The following HDAC9 variants were observed in gnomAD, a reference collection of about 807,000 sequenced individuals.
HDAC9 encodes MEF-2 interacting transcription repressor (MITR) protein.
A neutral mutation model predicts 139.4 loss-of-function variants in HDAC9; 41 were observed. The observed-to-expected ratio is 0.29, with a 90% CI of 0.23 to 0.38. The LOEUF (loss-of-function observed/expected upper bound fraction) is 0.38. HDAC9 is among the 10% of genes least tolerant of loss of function. The probability of loss-of-function intolerance (pLI) is 1.00; values close to 1 mark genes in which losing one functional copy is unlikely to be tolerated. For missense variants in HDAC9, 1,147 were observed against 1,297.0 expected (o/e 0.88, Z 1.78); for synonymous variants, 517 against 476.2 (o/e 1.09, Z -1.12).
Position 18,732,554 on chromosome 7 carries a change from T to C in HDAC9, c.1909+4797T>C, listed in dbSNP as rs370634679. On this transcript the variant is annotated intron_variant, in intron 13 of 25. Coordinates refer to ENST00000686413, the MANE Select transcript of HDAC9 (RefSeq NM_178425.4). ...TGTATATATGTGTATATAATGTATATACACACGTGTATATATGTGCATGTG... is the reference window on the plus strand; with the variant it reads ...TGTATATATGTGTATATAATGTATACACACACGTGTATATATGTGCATGTG... Among the ~76,000 whole-genome samples the C allele has an allele frequency of 8.8e-5, 11 of 124,900 alleles. 2 individuals are homozygous for C. The highest frequency in any genetic ancestry group is 1.5e-4 in the Non-Finnish European group (9 of 59,696). 81.9% of individuals were successfully genotyped at this position (124,900 alleles called of 152,430 possible). A position where few individuals can be genotyped will look rare whatever the true frequency, so the allele number is the denominator to read the frequency against.
intron 22 of HDAC9, among the ~76,000 whole-genome samples, chr7:18,932,848 A>AAAAGAAAGGAAAGAAAGAAAG (rs1804882822): frequency 7.2e-6 from 1 of 138,204 alleles, no homozygotes; most frequent in Admixed American, 7.4e-5. Flanking sequence ...AGGAAGGAAA[A>AAAAGAAAGGAAAGAAAGAAAG]AAAGAAAGAA....
intron 22 of HDAC9, chr7:18,906,922 AC>A: frequency 6.6e-6 from 1 of 152,212 alleles, no homozygotes; most frequent in Admixed American, 6.5e-5. Flanking sequence ...CCTGATTTAA[AC>A]CTGTGATTCT....
intron 7 of HDAC9, 26 bp downstream of exon 7, chr7:18,629,507 G>A: frequency 6.3e-7 from 1 of 1,597,340 alleles, no homozygotes; most frequent in East Asian, 2.3e-5. Context: ...GCAGACCTAT[G>A]AATGCTGGGA....
At chr7:18,440,718 T>G (rs79599109) in intron 1 of HDAC9, among the ~76,000 whole-genome samples, 7,421 of 152,232 alleles carry the variant, frequency 0.049, 300 homozygotes, top group African/African-American at 0.11. Context: ...TAACATTTTC[T>G]GAAGAAAAAA....
chr7:18,646,404 TAA>T (rs947272675), intron 9 of HDAC9, among the ~76,000 whole-genome samples: 3 of 152,154 alleles, frequency 2.0e-5, no homozygotes, highest in African/African-American at 7.2e-5. Flanking sequence ...TGGTTTGGAT[TAA>T]AGTTTCATTT....
At chr7:18,904,641 G>A (rs1196078965) in intron 22 of HDAC9, among the ~76,000 whole-genome samples, 1 of 130,684 alleles carries the variant, frequency 7.7e-6, no homozygotes, top group Non-Finnish European at 1.5e-5. Flanking sequence ...GCAGTGACGC[G>A]ATCCGCTCAC....
intron 11 of HDAC9, among the ~76,000 whole-genome samples, chr7:18,654,114 C>T (rs185874354): frequency 7.7e-4 from 117 of 152,254 alleles, no homozygotes; most frequent in African/African-American, 2.7e-3. Context: ...CAATTCTTTA[C>T]ATGTGTCTGT....
chr7:18,654,618 T>A (rs1295444834), intron 11 of HDAC9, among the ~76,000 whole-genome samples: 2 of 152,114 alleles, frequency 1.3e-5, no homozygotes, highest in Non-Finnish European at 2.9e-5. Flanking sequence ...GTGCTTATGA[T>A]TACAGTCTTA....
chr7:18,525,920 G>A (rs1299277438), intron 2 of HDAC9, among the ~76,000 whole-genome samples: 2 of 152,156 alleles, frequency 1.3e-5, no homozygotes, highest in African/African-American at 4.8e-5. Flanking sequence ...CTTGCTGCCA[G>A]TCTTGCCTCT....
chr7:18,651,361 A>C (rs371274939), intron 11 of HDAC9, among the ~76,000 whole-genome samples: 90 of 152,334 alleles, frequency 5.9e-4, no homozygotes, highest in South Asian at 5.0e-3. Context: ...ATGTTGACAT[A>C]CAAATGACAT....
intron 6 of HDAC9, among the ~76,000 whole-genome samples, chr7:18,596,084 C>G (rs1404058398): frequency 2.0e-5 from 3 of 151,934 alleles, no homozygotes; most frequent in African/African-American, 7.2e-5. Flanking sequence ...CTGGTCTTTT[C>G]TAGAGGTATT....
chr7:18,101,035 A>T (rs1782822896), intron 1 of HDAC9, among the ~76,000 whole-genome samples: 1 of 152,126 alleles, frequency 6.6e-6, no homozygotes. Flanking sequence ...AGTGCTGGGT[A>T]CTGTTCCCAT....
At chr7:18,137,441 T>C (rs1419987874) in intron 1 of HDAC9, among the ~76,000 whole-genome samples, 1 of 151,470 alleles carries the variant, frequency 6.6e-6, no homozygotes, top group Admixed American at 6.6e-5. Context: ...GGCTGTGGGT[T>C]TGTCATAGAT....
chr7:18,682,695 C>T (rs1041480247), intron 12 of HDAC9, among the ~76,000 whole-genome samples: 11 of 151,764 alleles, frequency 7.2e-5, no homozygotes, highest in African/African-American at 1.4e-4. Context: ...TCAAATTAAT[C>T]GTGAGGTGAC....
chr7:18,187,997 A>G (rs903977541), intron 2 of HDAC9, among the ~76,000 whole-genome samples: 1 of 152,210 alleles, frequency 6.6e-6, no homozygotes, highest in Non-Finnish European at 1.5e-5. Flanking sequence ...AGAAAAAACT[A>G]TTTTAAATTT....
At chr7:18,756,103 T>C (rs1049453173) in intron 14 of HDAC9, among the ~76,000 whole-genome samples, 3 of 151,946 alleles carry the variant, frequency 2.0e-5, no homozygotes, top group African/African-American at 7.3e-5. Flanking sequence ...CAGACAAAGG[T>C]AATAAGGTAG....
chr7:18,219,930 C>T (rs1213936494), intron 2 of HDAC9, among the ~76,000 whole-genome samples: 2 of 152,122 alleles, frequency 1.3e-5, no homozygotes, highest in Non-Finnish European at 2.9e-5. Context: ...CTGTTTCCTG[C>T]CTTGTGGCTT....
At chr7:18,172,683 T>C (rs1047903910) in intron 2 of HDAC9, among the ~76,000 whole-genome samples, 1 of 152,348 alleles carries the variant, frequency 6.6e-6, no homozygotes, top group South Asian at 2.1e-4. Flanking sequence ...AGAACATCTT[T>C]ATTTCTGCCT....
intron 2 of HDAC9, among the ~76,000 whole-genome samples, chr7:18,563,135 A>T (rs1821125392): frequency 6.6e-6 from 1 of 152,126 alleles, no homozygotes; most frequent in Admixed American, 6.5e-5. Context: ...TATTCCATTT[A>T]TGTGCTCCCA....
Sources: gnomAD v4.1 joint callset for allele counts (sites outside exome capture counted in the v4.1 genomes callset) on GRCh38, gnomAD v4.1.1 for gene constraint, MANE v1.5 for transcripts, NCBI Gene and HGNC (gene_info 2026-07-23, HGNC 2026-07-21) for gene names.